The following UBE2E2 variants were observed in gnomAD, a reference collection of about 807,000 sequenced individuals.
UBE2E2 encodes the protein ubiquitin-conjugating enzyme E2 E2.
In UBE2E2, 6 loss-of-function variants were observed where a neutral mutation model predicts 24.7. That is an observed-to-expected ratio of 0.24 (90% CI 0.13 to 0.48). The LOEUF (loss-of-function observed/expected upper bound fraction) is 0.48. UBE2E2 is among the 20% of genes least tolerant of loss of function. UBE2E2 has a pLI of 0.99. For missense variants in UBE2E2, 169 were observed against 245.0 expected (o/e 0.69, Z 2.07); for synonymous variants, 104 against 83.6 (o/e 1.24, Z -1.33).
At chr3:23,409,779 A>C (rs1697456111) in intron 3 of UBE2E2, among the ~76,000 whole-genome samples, 1 of 151,904 alleles carries the variant, frequency 6.6e-6, no homozygotes, top group Non-Finnish European at 1.5e-5. Flanking sequence ...TCTGTGGAAA[A>C]ATCCTTTCTT....
At chr3:23,272,509 C>T (rs1327797346) in intron 3 of UBE2E2, among the ~76,000 whole-genome samples, 2 of 152,186 alleles carry the variant, frequency 1.3e-5, no homozygotes, top group South Asian at 2.1e-4. Context: ...ACGCCAAGGC[C>T]GAGGAGGCGC....
chr3:23,431,758 A>G (rs1441196572), intron 3 of UBE2E2, among the ~76,000 whole-genome samples: 2 of 152,194 alleles, frequency 1.3e-5, no homozygotes, highest in East Asian at 1.9e-4. Flanking sequence ...GTTTGCATTA[A>G]CCACTATACG....
chr3:23,539,408 T>C (rs184764225), intron 5 of UBE2E2, among the ~76,000 whole-genome samples: 239 of 152,362 alleles, frequency 1.6e-3, no homozygotes, highest in African/African-American at 5.5e-3. Flanking sequence ...CCATATTTGC[T>C]AACATATGGG....
At chr3:23,345,966 A>G (rs1205156060) in intron 3 of UBE2E2, among the ~76,000 whole-genome samples, 1 of 152,204 alleles carries the variant, frequency 6.6e-6, no homozygotes, top group Non-Finnish European at 1.5e-5. Context: ...GACAGCAGAA[A>G]CTAATGGTTT....
intron 3 of UBE2E2, among the ~76,000 whole-genome samples, chr3:23,298,332 G>C (rs1320208155): frequency 6.6e-6 from 1 of 151,730 alleles, no homozygotes; most frequent in Non-Finnish European, 1.5e-5. Context: ...ATGTTGAATA[G>C]GAGTGGTGAG....
intron 3 of UBE2E2, among the ~76,000 whole-genome samples, chr3:23,357,819 A>G (rs1464115798): frequency 6.6e-6 from 1 of 150,414 alleles, no homozygotes; most frequent in Non-Finnish European, 1.5e-5. Context: ...AAATTGGTAA[A>G]TCTTCGAAGA....
At chr3:23,498,936 C>T (rs1406299018) in intron 3 of UBE2E2, among the ~76,000 whole-genome samples, 1 of 152,200 alleles carries the variant, frequency 6.6e-6, no homozygotes, top group Non-Finnish European at 1.5e-5. Context: ...GGCTTCTTCA[C>T]TTGCTTTGTT....
chr3:23,524,671 C>A (rs1234478051), intron 4 of UBE2E2, among the ~76,000 whole-genome samples: 1 of 152,088 alleles, frequency 6.6e-6, no homozygotes, highest in Non-Finnish European at 1.5e-5. Context: ...CTCAGAGTTG[C>A]AAAGTTAGTT....
chr3:23,349,443 G>C (rs1014576712), intron 3 of UBE2E2, among the ~76,000 whole-genome samples: 1 of 152,216 alleles, frequency 6.6e-6, no homozygotes, highest in Non-Finnish European at 1.5e-5. Context: ...TGCCTCACTC[G>C]GGAAGCGCAA....
At chr3:23,304,378 A>G (rs915125063) in intron 3 of UBE2E2, among the ~76,000 whole-genome samples, 2 of 152,194 alleles carry the variant, frequency 1.3e-5, no homozygotes, top group Non-Finnish European at 2.9e-5. Flanking sequence ...TTACTGGATT[A>G]TATCTGTGAA....
chr3:23,512,449 A>C (rs1694621798), intron 4 of UBE2E2, among the ~76,000 whole-genome samples: 1 of 151,838 alleles, frequency 6.6e-6, no homozygotes, highest in African/African-American at 2.4e-5. Context: ...CAAACTCCTG[A>C]GCTCAACCAG....
chr3:23,243,763 G>C (rs1460059374), intron 3 of UBE2E2, among the ~76,000 whole-genome samples: 1 of 139,574 alleles, frequency 7.2e-6, no homozygotes, highest in African/African-American at 2.6e-5. Flanking sequence ...TTTTTTTTTG[G>C]CCTTAAAGTT....
At chr3:23,384,247 C>T (rs35156003) in intron 3 of UBE2E2, among the ~76,000 whole-genome samples, 11,072 of 152,166 alleles carry the variant, frequency 0.073, 525 homozygotes, top group Non-Finnish European at 0.088. Context: ...ACTACAGCCT[C>T]GACCTCCTGG....
chr3:23,326,206 G>A (rs1424728787), intron 3 of UBE2E2, among the ~76,000 whole-genome samples: 3 of 152,122 alleles, frequency 2.0e-5, no homozygotes, highest in Admixed American at 1.3e-4. Context: ...CGAGTAGCTG[G>A]GATTACAGGC....
rs888919612 is a variant in UBE2E2, at chr3:23,489,596, G to T, written c.228-10012G>T. ...AGAGGTCAAGGAAGAGGTGAGCCCT[G>T]CTAGTTTCTTGCTTTGCCTGGTAAC... is the stretch of plus-strand genomic sequence containing the variant. On this transcript the variant is annotated intron_variant, in intron 3 of 5. Transcript: ENST00000396703. 2.6e-5 allele frequency among the ~76,000 whole-genome samples: 4 copies of T among 152,190 alleles called. No homozygotes were observed. The East Asian group carries it at 7.7e-4, about 29-fold the overall frequency.
At chr3:23,302,379 T>G (rs1699122126) in intron 3 of UBE2E2, among the ~76,000 whole-genome samples, 1 of 152,240 alleles carries the variant, frequency 6.6e-6, no homozygotes, top group Admixed American at 6.5e-5. Flanking sequence ...CAGTTATGCC[T>G]TTTGACTTTA....
intron 3 of UBE2E2, among the ~76,000 whole-genome samples, chr3:23,258,476 T>G (rs1300887260): frequency 6.6e-6 from 1 of 152,234 alleles, no homozygotes; most frequent in Non-Finnish European, 1.5e-5. Flanking sequence ...GCATTGATTT[T>G]AAGTAGTTTG....
chr3:23,349,449 C>T (rs1022918323), intron 3 of UBE2E2, among the ~76,000 whole-genome samples: 11 of 152,186 alleles, frequency 7.2e-5, no homozygotes, highest in South Asian at 2.1e-4. Context: ...ACTCGGGAAG[C>T]GCAAGGGGTC....
intron 3 of UBE2E2, among the ~76,000 whole-genome samples, chr3:23,383,448 T>C (rs1696726321): frequency 6.7e-6 from 1 of 149,664 alleles, no homozygotes; most frequent in South Asian, 2.1e-4. Context: ...CCGATTGACT[T>C]TTAAGAGATG....
Sources: allele counts gnomAD v4.1 joint callset (sites outside exome capture counted in the v4.1 genomes callset), GRCh38; gene constraint gnomAD v4.1.1; transcripts MANE v1.5; gene names NCBI Gene and HGNC (gene_info 2026-07-23, HGNC 2026-07-21).